SLFN12: variants seen among roughly 807,000 people sequenced by gnomAD.
SLFN12 encodes ribonuclease SLFN12.
A neutral mutation model predicts 29.1 loss-of-function variants in SLFN12; 25 were observed. That is an observed-to-expected ratio of 0.86 (90% CI 0.63 to 1.20). SLFN12 has a LOEUF of 1.20. Ranked by LOEUF, SLFN12 falls within the 50% of genes most tolerant of loss-of-function variation. SLFN12 has a pLI of 0.00. For missense variants in SLFN12, 660 were observed against 666.2 expected (o/e 0.99, Z 0.10); for synonymous variants, 257 against 238.7 (o/e 1.08, Z -0.71).
chr17:35,415,168 G>A (rs1182148727), intron 3 of SLFN12, among the ~76,000 whole-genome samples: 1 of 152,062 alleles, frequency 6.6e-6, no homozygotes, highest in East Asian at 1.9e-4. Context: ...AAATAGGCAT[G>A]TAGACCAGTG....
chr17:35,420,149 C>T, intron 3 of SLFN12, 125 bp downstream of exon 3: 1 of 645,800 alleles, frequency 1.5e-6, no homozygotes. Context: ...ACTTAAAACA[C>T]CAAAGAATTC....
At chr17:35,430,613 C>T (rs1322230188) in intron 1 of SLFN12, 1 of 152,048 alleles carries the variant, frequency 6.6e-6, no homozygotes, top group Non-Finnish European at 1.5e-5. Flanking sequence ...ACATCGAAAA[C>T]CTTTGAGAGA....
rs1299663949 is a variant in SLFN12 at position 35,411,538 on chromosome 17, T to C, written c.1537A>G (p.Arg513Gly). Residue 513 changes from arginine (R) to glycine (G), a missense_variant, in exon 4 of 4, where the codon AGG (arginine) becomes GGG (glycine). Transcript: ENST00000304905. ...GATTCAGGGTAAATTACTTGCGACCTTAAATCATACTGGCAGCTTGTCATG... is the reference window on the plus strand; with the variant it reads ...GATTCAGGGTAAATTACTTGCGACCCTAAATCATACTGGCAGCTTGTCATG... ...EGMTSCQYDL[R>G]SQVIYPESYY... 6.2e-7 allele frequency: 1 copy of C among 1,614,116 alleles called. No individual in the cohort carries two copies. The highest frequency in any genetic ancestry group is 8.5e-7 in the Non-Finnish European group (1 of 1,180,014).
intron 2 of SLFN12, among the ~76,000 whole-genome samples, chr17:35,420,988 G>A (rs973955877): frequency 2.6e-5 from 4 of 151,850 alleles, no homozygotes; most frequent in Admixed American, 6.6e-5. Context: ...CGGGTGAATT[G>A]CCTGAGGTCA....
At chr17:35,429,659 C>T (rs1420993558) in intron 1 of SLFN12, among the ~76,000 whole-genome samples, 1 of 152,052 alleles carries the variant, frequency 6.6e-6, no homozygotes, top group Non-Finnish European at 1.5e-5. Context: ...GTAGGAACTG[C>T]CCACAGGGTG....
At chr17:35,423,511 G>A (rs1248663941) in intron 1 of SLFN12, among the ~76,000 whole-genome samples, 2 of 151,790 alleles carry the variant, frequency 1.3e-5, no homozygotes, top group African/African-American at 4.8e-5. Flanking sequence ...TAAATCTTTT[G>A]GAAGATTTCC....
In SLFN12 at chr17:35,422,048, G is replaced by A. The variant is rs1457749537; in HGVS notation, c.981C>T (p.Asn327=). 6.2e-6 allele frequency: 10 copies of A among 1,613,900 alleles called. No homozygotes were observed. Among genetic ancestry groups the A allele is most frequent in the South Asian group, 1.1e-5 (1 of 91,084 alleles). The change falls in exon 2 of 4, where the codon AAC becomes AAT. Residue 327 remains asparagine (N), a synonymous_variant. Coordinates refer to ENST00000304905, the MANE Select transcript of SLFN12 (RefSeq NM_018042.5). ...KEPDSWHVKD[N]RVMQLTRKEW... ...CCTTCCTGGTCAACTGCATCACACG[G>A]TTATCTTTCACATGCCAGGAATCAG...
At chr17:35,420,230 C>T in intron 3 of SLFN12, 44 bp downstream of exon 3, 2 of 1,385,066 alleles carry the variant, frequency 1.4e-6, no homozygotes, top group Non-Finnish European at 1.0e-6. Context: ...AGAGGTTTGA[C>T]TACAGTCACA....
rs145892998 is a variant in SLFN12, at chr17:35,426,488, G to A, written c.-40-3420C>T. Among the ~76,000 whole-genome samples, 36 of 152,144 alleles carry A rather than the reference G, an allele frequency of 2.4e-4. No homozygotes were observed. In the East Asian group the frequency reaches 6.4e-3, roughly 27 times the overall value. ...GATTTTTGTATTTGGTGTGAGATGA[G>A]GGTCTAACTTCATTTTCTGCATGTG... is the stretch of plus-strand genomic sequence containing the variant. On this transcript the variant is annotated intron_variant, in intron 1 of 3. Transcript: ENST00000304905.
chr17:35,416,444 C>G (rs1300408193), intron 3 of SLFN12, among the ~76,000 whole-genome samples: 1 of 151,988 alleles, frequency 6.6e-6, no homozygotes, highest in African/African-American at 2.4e-5. Flanking sequence ...TCAGAAGTCA[C>G]CACTAAAGAA....
intron 3 of SLFN12, among the ~76,000 whole-genome samples, chr17:35,419,464 A>G (rs1051714481): frequency 6.6e-6 from 1 of 152,182 alleles, no homozygotes; most frequent in African/African-American, 2.4e-5. Flanking sequence ...GGTCAAAGAC[A>G]AAATAGACAC....
At chr17:35,413,181 ATTTGAAGAGATAAACAATTATAGTTT>A (rs1375854350) in intron 3 of SLFN12, among the ~76,000 whole-genome samples, 2 of 152,082 alleles carry the variant, frequency 1.3e-5, no homozygotes. Context: ...GATAAGCAAT[ATTTGAAGAGATAAACAATTATAGTTT>A]TTTCAAAGTT....
chr17:35,427,219 T>C (rs989039862), intron 1 of SLFN12, among the ~76,000 whole-genome samples: 2 of 152,120 alleles, frequency 1.3e-5, no homozygotes, highest in Non-Finnish European at 2.9e-5. Flanking sequence ...CACCATGAAA[T>C]TTCCTACAGT....
In SLFN12 at chr17:35,422,967, A is replaced by T. The variant is rs140906229; in HGVS notation, c.62T>A (p.Val21Asp). 225 of 1,613,118 alleles carry T rather than the reference A, an allele frequency of 1.4e-4. No homozygotes were observed. The highest frequency in any genetic ancestry group is 1.8e-4 in the Non-Finnish European group (207 of 1,179,818). The part of the protein sequence containing the change: ...YAELVLDVGR[V>D]TLGENSRKKM... ...TTTCCTACTGTTCTCTCCAAGAGTG[A>T]CTCTTCCCACATCTAGAACCAACTC... The change falls in exon 2 of 4, where the codon GTC (valine) becomes GAC (aspartate). Residue 21 changes from valine (V) to aspartate (D), a missense_variant. Physicochemically the swap from Val to Asp is radical, Grantham distance 152. Transcript: ENST00000304905.
chr17:35,425,368 C>G (rs2142046513), intron 1 of SLFN12, among the ~76,000 whole-genome samples: 1 of 152,162 alleles, frequency 6.6e-6, no homozygotes, highest in African/African-American at 2.4e-5. Context: ...CAATAGAGCT[C>G]TTGAACTTAT....
intron 1 of SLFN12, among the ~76,000 whole-genome samples, chr17:35,430,234 C>T (rs1260025792): frequency 1.3e-5 from 2 of 152,050 alleles, no homozygotes; most frequent in African/African-American, 4.8e-5. Flanking sequence ...CTCACTGAAA[C>T]ATTCTGTTTG....
Position 35,411,387 on chromosome 17 carries a change from A to G in SLFN12, c.1688T>C (p.Phe563Ser). ...AAACATCTTTTTATCATTCTTCTGA[A>G]AGCAATCTATACCGATTATCTGGTA... ...NLYQIIGIDC[F>S]QKNDKKMFKS... is the part of the protein sequence containing the mutation. The change falls in exon 4 of 4, where the codon TTT becomes TCT. Residue 563 changes from phenylalanine (F) to serine (S), a missense_variant. Physicochemically the swap from Phe to Ser is radical, Grantham distance 155 (BLOSUM62 -2). Transcript: ENST00000304905. 6.3e-7 allele frequency: 1 copy of G among 1,579,608 alleles called. No homozygotes were observed. The highest frequency in any genetic ancestry group is 8.6e-7 in the Non-Finnish European group (1 of 1,165,328).
At position 35,426,214 on chromosome 17, in the gene SLFN12, T is replaced by C. The variant is rs184214986; in HGVS notation, c.-40-3146A>G. On this transcript the variant is annotated intron_variant, in intron 1 of 3. Transcript: ENST00000304905. ...TATTAACCTCTTATCAGATGTATGG[T>C]TTACAAATGTTTTCTTTCATTCTGT... 3.8e-3 allele frequency among the ~76,000 whole-genome samples: 571 copies of C among 152,076 alleles called. 8 individuals are homozygous for C. Among genetic ancestry groups the C allele is most frequent in the African/African-American group, 0.012 (517 of 41,516 alleles).
At chr17:35,431,844 G>A (rs1912334705) in intron 1 of SLFN12, 1 of 152,176 alleles carries the variant, frequency 6.6e-6, no homozygotes, top group African/African-American at 2.4e-5. Context: ...AGTAGGGGAA[G>A]GGAAGAATTT....
Sources: allele counts gnomAD v4.1 joint callset (sites outside exome capture counted in the v4.1 genomes callset), GRCh38; gene constraint gnomAD v4.1.1; transcripts MANE v1.5; gene names NCBI Gene and HGNC (gene_info 2026-07-23, HGNC 2026-07-21).